C11orf65: variants seen among roughly 807,000 people sequenced by gnomAD.
C11orf65 encodes the protein chromosome 11 open reading frame 65.
Under a neutral mutation model 35.3 loss-of-function variants are expected in C11orf65, and 38 were observed. The observed-to-expected ratio is 1.08, with a 90% CI of 0.83 to 1.41. The LOEUF is 1.41. Ranked by LOEUF, C11orf65 falls within the 40% of genes most tolerant of loss-of-function variation. The pLI is 0.00. For missense variants in C11orf65, 370 were observed against 367.1 expected (o/e 1.01, Z -0.06); for synonymous variants, 105 against 114.4 (o/e 0.92, Z 0.53).
intron 2 of C11orf65, among the ~76,000 whole-genome samples, chr11:108,448,833 G>A (rs1172619638): frequency 1.3e-5 from 2 of 152,158 alleles, no homozygotes; most frequent in Non-Finnish European, 2.9e-5. Flanking sequence ...AGGAAAAGAG[G>A]AAGTCAAATT....
chr11:108,312,639 G>A, intron 6 of C11orf65: 1 of 643,974 alleles, frequency 1.6e-6, no homozygotes, highest in Non-Finnish European at 2.7e-6. Flanking sequence ...TAAAATTATG[G>A]TCTGAAGCTT....
chr11:108,455,063 T>G (rs764706763), intron 2 of C11orf65, among the ~76,000 whole-genome samples: 1 of 152,198 alleles, frequency 6.6e-6, no homozygotes, highest in Admixed American at 6.5e-5. Flanking sequence ...TTTTGGTATG[T>G]TGTGTCTCCA....
intron 2 of C11orf65, among the ~76,000 whole-genome samples, chr11:108,448,734 T>G (rs2093303939): frequency 6.6e-6 from 1 of 152,192 alleles, no homozygotes; most frequent in African/African-American, 2.4e-5. Flanking sequence ...CAAGACAGGA[T>G]GCCCTCTCTC....
At chr11:108,359,710 G>A (rs930213719) in intron 2 of C11orf65, among the ~76,000 whole-genome samples, 301 of 152,106 alleles carry the variant, frequency 2.0e-3, no homozygotes, top group Non-Finnish European at 3.6e-3. Flanking sequence ...GATACATAAT[G>A]AAATGAAGGC....
At chr11:108,355,059 G>A in intron 2 of C11orf65, 1 of 603,646 alleles carries the variant, frequency 1.7e-6, no homozygotes, top group South Asian at 2.0e-5. Flanking sequence ...GTTTAGAAAT[G>A]CCTTCAGCCC....
rs4988097 is a variant in C11orf65, at chr11:108,322,304, C to T, written c.641-13233G>A. Among the ~76,000 whole-genome samples the T allele has an allele frequency of 1.3e-3, 196 of 152,038 alleles. 4 individuals are homozygous for T. In the South Asian group the frequency reaches 0.039, roughly 30 times the overall value. ...CGAGTAGCTGGGATTATAGGTGCCC[C>T]GACAATGCCTGGCTAATTTTTCTAC... On this transcript the variant is annotated intron_variant, in intron 6 of 6. Coordinates refer to the C11orf65 transcript ENST00000525729.
At chr11:108,353,734 ACCT>A (rs1415343953) in intron 2 of C11orf65, 1 of 1,530,338 alleles carries the variant, frequency 6.5e-7, no homozygotes, top group East Asian at 2.2e-5. Context: ...TAGCTGTCAA[ACCT>A]CCTAACTTCA....
chr11:108,341,557 C>T (rs2087582509), intron 2 of C11orf65, among the ~76,000 whole-genome samples: 1 of 152,048 alleles, frequency 6.6e-6, no homozygotes, highest in Non-Finnish European at 1.5e-5. Context: ...TAATCAAATG[C>T]TTCCTTAAGA....
chr11:108,453,234 T>C (rs2093373706), intron 2 of C11orf65, among the ~76,000 whole-genome samples: 1 of 145,542 alleles, frequency 6.9e-6, no homozygotes, highest in African/African-American at 2.5e-5. Flanking sequence ...ACTTATGGCA[T>C]CTTTAATCAA....
chr11:108,418,113 T>C (rs941877233), intron 3 of C11orf65, among the ~76,000 whole-genome samples: 1 of 152,176 alleles, frequency 6.6e-6, no homozygotes, highest in Non-Finnish European at 1.5e-5. Context: ...GTCTCAAATA[T>C]ATACAAACCA....
At chr11:108,392,550 T>G (rs1402825358) in intron 7 of C11orf65, among the ~76,000 whole-genome samples, 3 of 152,186 alleles carry the variant, frequency 2.0e-5, no homozygotes, top group Non-Finnish European at 4.4e-5. Context: ...CTGGATCACA[T>G]GTCAGCTCTA....
intron 1 of C11orf65, among the ~76,000 whole-genome samples, chr11:108,462,086 T>C (rs2093480010): frequency 6.6e-6 from 1 of 152,234 alleles, no homozygotes; most frequent in African/African-American, 2.4e-5. Flanking sequence ...CTCTGTTGCC[T>C]TGGCTAGAAT....
intron 6 of C11orf65, chr11:108,317,652 T>TATATATATATATACACACACACAC (rs1399501257): frequency 2.5e-5 from 3 of 118,376 alleles, no homozygotes; most frequent in South Asian, 2.9e-4. Context: ...TATATATATA[T>TATATATATATATACACACACACAC]ACACACACAC....
chr11:108,354,417 T>C (rs1007114031), intron 2 of C11orf65, among the ~76,000 whole-genome samples: 1 of 152,182 alleles, frequency 6.6e-6, no homozygotes, highest in Non-Finnish European at 1.5e-5. Context: ...TAGTATAACA[T>C]TGTGCTACTA....
At chr11:108,454,459 T>C (rs1323052807) in intron 2 of C11orf65, among the ~76,000 whole-genome samples, 3 of 152,064 alleles carry the variant, frequency 2.0e-5, no homozygotes, top group Admixed American at 2.0e-4. Context: ...CCACCATACC[T>C]GGCTAATTTT....
chr11:108,463,951 G>T (rs1211663916), intron 1 of C11orf65, among the ~76,000 whole-genome samples: 1 of 129,030 alleles, frequency 7.8e-6, no homozygotes, highest in Non-Finnish European at 1.6e-5. Context: ...TTTTGAGACA[G>T]AATTTTGCTC....
At chr11:108,453,019 A>C (rs1239612679) in intron 2 of C11orf65, among the ~76,000 whole-genome samples, 3 of 53,030 alleles carry the variant, frequency 5.7e-5, no homozygotes, top group Admixed American at 5.2e-4. Flanking sequence ...GGGAGGGGGG[A>C]GGGATAGCAT....
At chr11:108,416,974 T>A (rs944759559) in intron 3 of C11orf65, among the ~76,000 whole-genome samples, 1 of 152,160 alleles carries the variant, frequency 6.6e-6, no homozygotes, top group African/African-American at 2.4e-5. Flanking sequence ...AAAATGCAAA[T>A]CTATATATGA....
In C11orf65 at chr11:108,407,161, T is replaced by C. The variant is rs2092556948; in HGVS notation, c.175-12A>G. The C allele has an allele frequency of 3.2e-6, 5 of 1,554,350 alleles. No individual in the cohort carries two copies. Among genetic ancestry groups the C allele is most frequent in the Non-Finnish European group, 4.4e-6 (5 of 1,139,922 alleles). Reference sequence around the variant, plus strand: ...TCTAGAAGCTCTGCCTATAAGAAAATATATTATTCTTATATATTATTCTTC... The same window carrying C: ...TCTAGAAGCTCTGCCTATAAGAAAACATATTATTCTTATATATTATTCTTC... On this transcript the variant is annotated splice_polypyrimidine_tract_variant and intron_variant, in intron 3 of 8. Transcript: ENST00000393084.
Sources: gnomAD v4.1 joint callset for allele counts (sites outside exome capture counted in the v4.1 genomes callset) on GRCh38, gnomAD v4.1.1 for gene constraint, MANE v1.5 for transcripts, NCBI Gene and HGNC (gene_info 2026-07-23, HGNC 2026-07-21) for gene names.